Variants in ERBB4 observed in about 807,000 individuals in gnomAD.
The protein encoded by ERBB4 is receptor tyrosine-protein kinase erbB-4.
In ERBB4, 42 loss-of-function variants were observed where a neutral mutation model predicts 158.0. The observed-to-expected ratio is 0.27, with a 90% CI of 0.21 to 0.34. The LOEUF (loss-of-function observed/expected upper bound fraction) is 0.34, where lower values mean the gene tolerates loss of function less well. ERBB4 is among the 10% of genes least tolerant of loss of function. The probability of loss-of-function intolerance (pLI) is 1.00; values close to 1 mark genes in which losing one functional copy is unlikely to be tolerated. For missense variants in ERBB4, 1,333 were observed against 1,624.1 expected (o/e 0.82, Z 3.08); for synonymous variants, 583 against 558.7 (o/e 1.04, Z -0.61).
intron 3 of ERBB4, among the ~76,000 whole-genome samples, chr2:211,832,753 G>A (rs1003939272): frequency 6.6e-5 from 10 of 151,058 alleles, no homozygotes; most frequent in Admixed American, 1.3e-4. Flanking sequence ...AACAGGGAGC[G>A]AGGGGTCAGA....
chr2:211,750,098 T>A (rs2075086966), intron 5 of ERBB4, among the ~76,000 whole-genome samples: 1 of 152,190 alleles, frequency 6.6e-6, no homozygotes, highest in Non-Finnish European at 1.5e-5. Flanking sequence ...TTTCTTTAGC[T>A]AATGACTAAT....
chr2:211,977,735 C>G (rs77314582), intron 2 of ERBB4, among the ~76,000 whole-genome samples: 3,763 of 150,138 alleles, frequency 0.025, 162 homozygotes, highest in African/African-American at 0.088. Flanking sequence ...AGCTGTAATC[C>G]CAGCTACCCT....
At chr2:212,229,359 G>A (rs549790673) in intron 1 of ERBB4, among the ~76,000 whole-genome samples, 3 of 152,282 alleles carry the variant, frequency 2.0e-5, no homozygotes, top group Admixed American at 6.5e-5. Flanking sequence ...CTGAGAAATG[G>A]TTGGGGATAT....
chr2:212,018,192 A>G (rs1168869847), intron 2 of ERBB4, among the ~76,000 whole-genome samples: 3 of 152,164 alleles, frequency 2.0e-5, no homozygotes, highest in African/African-American at 7.2e-5. Flanking sequence ...TGGGAAAGGA[A>G]TATTGTGAGG....
chr2:211,704,871 A>G (rs2073378919), intron 10 of ERBB4, among the ~76,000 whole-genome samples: 1 of 152,212 alleles, frequency 6.6e-6, no homozygotes, highest in Non-Finnish European at 1.5e-5. Flanking sequence ...CTTTAAAAAT[A>G]ACATGAGTTT....
At chr2:211,607,922 T>C (rs996026816) in intron 19 of ERBB4, among the ~76,000 whole-genome samples, 2 of 134,548 alleles carry the variant, frequency 1.5e-5, no homozygotes, top group Non-Finnish European at 3.1e-5. Flanking sequence ...CAGGCTGGAG[T>C]GTAGTGGTGC....
intron 20 of ERBB4, among the ~76,000 whole-genome samples, chr2:211,502,853 TG>T (rs141839098): frequency 6.6e-5 from 10 of 152,290 alleles, no homozygotes; most frequent in African/African-American, 2.4e-4. Context: ...GGATTAGAGA[TG>T]GATGACTAGG....
At chr2:211,872,776 G>C (rs2078385379) in intron 3 of ERBB4, among the ~76,000 whole-genome samples, 2 of 151,906 alleles carry the variant, frequency 1.3e-5, no homozygotes, top group Admixed American at 1.3e-4. Context: ...AAATTGTATT[G>C]TTTTACTGTA....
intron 1 of ERBB4, among the ~76,000 whole-genome samples, chr2:212,351,517 T>A (rs145901436): frequency 1.5e-4 from 23 of 152,278 alleles, no homozygotes; most frequent in African/African-American, 5.3e-4. Flanking sequence ...TTGATTTGAT[T>A]TATAATATAA....
intron 1 of ERBB4, among the ~76,000 whole-genome samples, chr2:212,229,252 C>G (rs2083582832): frequency 6.6e-6 from 1 of 152,188 alleles, no homozygotes; most frequent in South Asian, 2.1e-4. Context: ...ATAATTAGAA[C>G]AACTAACCAA....
At chr2:212,269,589 G>C (rs575301554) in intron 1 of ERBB4, among the ~76,000 whole-genome samples, 1 of 151,898 alleles carries the variant, frequency 6.6e-6, no homozygotes, top group Non-Finnish European at 1.5e-5. Flanking sequence ...AATGTAATAA[G>C]GTTAAATACT....
chr2:212,084,582 G>T (rs567657656), intron 2 of ERBB4, among the ~76,000 whole-genome samples: 444 of 152,114 alleles, frequency 2.9e-3, no homozygotes, highest in Non-Finnish European at 4.5e-3. Flanking sequence ...CATGGGGAAA[G>T]ACATTAAAAG....
intron 2 of ERBB4, among the ~76,000 whole-genome samples, chr2:212,029,622 T>C (rs917613305): frequency 9.2e-5 from 14 of 152,314 alleles, no homozygotes; most frequent in South Asian, 6.2e-4. Context: ...GTGCTTTCTA[T>C]AATTTGCAAT....
chr2:212,060,688 T>G (rs1253040930), intron 2 of ERBB4, among the ~76,000 whole-genome samples: 1 of 149,024 alleles, frequency 6.7e-6, no homozygotes, highest in East Asian at 2.0e-4. Context: ...GAAACCATCA[T>G]TCTCAGCAAA....
intron 19 of ERBB4, among the ~76,000 whole-genome samples, chr2:211,580,814 TA>T (rs2068056693): frequency 2.0e-5 from 1 of 51,078 alleles, no homozygotes; most frequent in African/African-American, 7.0e-5. Context: ...ATATATATAA[TA>T]TATATATATT....
chr2:211,630,654 A>G (rs777005572), intron 16 of ERBB4, 60 bp from the exon 17 acceptor site: 7 of 1,419,628 alleles, frequency 4.9e-6, no homozygotes, highest in Non-Finnish European at 6.9e-6. Context: ...AGACAGAGGA[A>G]GAGAAAAGAG....
At chr2:211,526,021 C>G (rs1343573680) in intron 20 of ERBB4, among the ~76,000 whole-genome samples, 1 of 152,126 alleles carries the variant, frequency 6.6e-6, no homozygotes. Context: ...CCTGAGGAAA[C>G]TCGACACCCT....
At chr2:211,645,094 A>C (rs958661068) in intron 16 of ERBB4, among the ~76,000 whole-genome samples, 1 of 149,776 alleles carries the variant, frequency 6.7e-6, no homozygotes, top group Non-Finnish European at 1.5e-5. Flanking sequence ...ATCACTAAGT[A>C]AGTATGTTAG....
intron 1 of ERBB4, among the ~76,000 whole-genome samples, chr2:212,244,105 TAAAG>T (rs893133368): frequency 6.6e-6 from 1 of 151,920 alleles, no homozygotes; most frequent in African/African-American, 2.4e-5. Flanking sequence ...AACAATATGA[TAAAG>T]AAAATATGAG....
Sources: allele counts gnomAD v4.1 joint callset (sites outside exome capture counted in the v4.1 genomes callset), GRCh38; gene constraint gnomAD v4.1.1; transcripts MANE v1.5; gene names NCBI Gene and HGNC (gene_info 2026-07-23, HGNC 2026-07-21).